The following LAMA2 variants were observed in gnomAD, a reference collection of about 807,000 sequenced individuals.
LAMA2 encodes laminin subunit alpha-2.
In LAMA2, 269 loss-of-function variants were observed where a neutral mutation model predicts 364.8. That is an observed-to-expected ratio of 0.74 (90% CI 0.67 to 0.82). LAMA2 has a LOEUF of 0.82. LAMA2 is among the 40% of genes least tolerant of loss of function. LAMA2 has a pLI of 0.00. For synonymous variants in LAMA2, 1,379 were observed against 1,370.6 expected (o/e 1.01, Z -0.14); for missense variants, 3,807 against 3,873.2 (o/e 0.98, Z 0.45).
intron 27 of LAMA2, among the ~76,000 whole-genome samples, chr6:129,318,056 T>G (rs940712874): frequency 6.6e-6 from 1 of 152,196 alleles, no homozygotes; most frequent in Non-Finnish European, 1.5e-5. Flanking sequence ...CTCACAATGC[T>G]AAGAACAAAT....
chr6:129,197,504 C>A (rs1781920847), intron 12 of LAMA2, among the ~76,000 whole-genome samples: 1 of 152,234 alleles, frequency 6.6e-6, no homozygotes, highest in South Asian at 2.1e-4. Context: ...AGATGTCCTA[C>A]TTTTCTGGGC....
At chr6:129,270,797 G>A in intron 17 of LAMA2, 46 bp downstream of exon 17, 2 of 1,592,524 alleles carry the variant, frequency 1.3e-6, no homozygotes, top group Non-Finnish European at 1.7e-6. Context: ...ATCCATTTCT[G>A]CAAGTACACT....
At chr6:129,506,599 C>G (rs932122505) in intron 61 of LAMA2, among the ~76,000 whole-genome samples, 1 of 151,848 alleles carries the variant, frequency 6.6e-6, no homozygotes, top group Admixed American at 6.6e-5. Context: ...ACCGTGTATC[C>G]TAGTTTGCTT....
At position 129,478,706 on chromosome 6, in the gene LAMA2, C is replaced by G. The variant is rs1480548992; in HGVS notation, c.7465C>G (p.Leu2489Val). ...ACTATTCAATAGGCCAGAAGTAAAT[C>G]TGAAGAAATATTCCGGCTGCCTCAA... is the stretch of plus-strand genomic sequence containing the variant. ...LSMKARPEVN[L>V]KKYSGCLKDI... The change falls in exon 54 of 65, where the codon CTG (leucine) becomes GTG (valine). Residue 2489 changes from leucine (L) to valine (V), a missense_variant. By Grantham distance (32) the Leu-to-Val change is conservative. This residue lies in a region of LAMA2 where 3,333 missense variants were observed against 3,345.7 expected (regional missense o/e 1.00). Coordinates refer to ENST00000421865, the MANE Select transcript of LAMA2 (RefSeq NM_000426.4). The G allele has an allele frequency of 2.5e-6, 4 of 1,613,490 alleles. No homozygotes were observed. The South Asian group carries it at 4.4e-5, about 18-fold the overall frequency.
chr6:129,289,678 A>C (rs946378921), intron 19 of LAMA2, among the ~76,000 whole-genome samples: 5 of 152,066 alleles, frequency 3.3e-5, no homozygotes, highest in African/African-American at 4.8e-5. Context: ...ATGGTAATTA[A>C]TTATTGTAGA....
In LAMA2 at chr6:129,334,124, A is replaced by G. The variant is rs185544892; in HGVS notation, c.4311+5712A>G. Reference sequence around the variant, plus strand: ...AAGAAATAGCTGTTATTACTCCCACACAGTAAGTGAGGAAACTGAAGCATA... The same window carrying G: ...AAGAAATAGCTGTTATTACTCCCACGCAGTAAGTGAGGAAACTGAAGCATA... On this transcript the variant is annotated intron_variant, in intron 29 of 64. Transcript: ENST00000421865. Among the ~76,000 whole-genome samples, 224 of 152,314 alleles carry G rather than the reference A, an allele frequency of 1.5e-3. 1 individual carries two copies. Among genetic ancestry groups the G allele is most frequent in the African/African-American group, 5.1e-3 (213 of 41,556 alleles).
chr6:129,361,013 G>C (rs898276978), intron 32 of LAMA2, among the ~76,000 whole-genome samples: 2 of 152,104 alleles, frequency 1.3e-5, no homozygotes, highest in South Asian at 2.1e-4. Flanking sequence ...TTGGAAATAG[G>C]TAGGTTATAT....
intron 40 of LAMA2, among the ~76,000 whole-genome samples, chr6:129,425,715 A>G (rs914769654): frequency 1.3e-5 from 2 of 152,060 alleles, no homozygotes; most frequent in African/African-American, 4.8e-5. Flanking sequence ...TTAGTTTGCT[A>G]AGAATAATGG....
intron 16 of LAMA2, among the ~76,000 whole-genome samples, chr6:129,268,905 G>A (rs1787720668): frequency 6.6e-6 from 1 of 151,978 alleles, no homozygotes; most frequent in South Asian, 2.1e-4. Flanking sequence ...ATTCCATTTT[G>A]AGTATATGGG....
At chr6:128,935,940 A>T (rs1013623385) in intron 1 of LAMA2, among the ~76,000 whole-genome samples, 1 of 152,166 alleles carries the variant, frequency 6.6e-6, no homozygotes, top group Non-Finnish European at 1.5e-5. Flanking sequence ...TGTCAAAGGA[A>T]ACCAGATGAA....
chr6:129,100,580 G>A (rs1775464517), intron 4 of LAMA2, among the ~76,000 whole-genome samples: 1 of 152,070 alleles, frequency 6.6e-6, no homozygotes, highest in South Asian at 2.1e-4. Flanking sequence ...TAATAATTGA[G>A]GTCTCTGATT....
intron 9 of LAMA2, among the ~76,000 whole-genome samples, chr6:129,171,253 C>T (rs1407743350): frequency 1.3e-5 from 2 of 152,140 alleles, no homozygotes; most frequent in African/African-American, 2.4e-5. Context: ...TTAGTTGATG[C>T]AGTTTCTTCC....
At chr6:129,047,342 C>T (rs1449214398) in intron 1 of LAMA2, among the ~76,000 whole-genome samples, 1 of 152,148 alleles carries the variant, frequency 6.6e-6, no homozygotes, top group African/African-American at 2.4e-5. Flanking sequence ...GACAGAATGT[C>T]TCATTGTGTT....
intron 41 of LAMA2, chr6:129,436,727 A>G (rs910047205): frequency 5.3e-5 from 8 of 152,112 alleles, no homozygotes; most frequent in African/African-American, 1.2e-4. Context: ...ATTTTCCCCA[A>G]TCTCAAAAAT....
intron 9 of LAMA2, among the ~76,000 whole-genome samples, chr6:129,174,066 G>A (rs1056355726): frequency 3.3e-5 from 5 of 151,954 alleles, no homozygotes; most frequent in Non-Finnish European, 5.9e-5. Context: ...AGCTGTCAAA[G>A]TTCAGGTAAA....
chr6:129,017,443 T>A (rs986110237), intron 1 of LAMA2, among the ~76,000 whole-genome samples: 8 of 151,526 alleles, frequency 5.3e-5, no homozygotes, highest in African/African-American at 1.9e-4. Context: ...GATTATTTAC[T>A]TACTATTGAA....
At chr6:128,949,746 G>A (rs577783575) in intron 1 of LAMA2, among the ~76,000 whole-genome samples, 2 of 152,166 alleles carry the variant, frequency 1.3e-5, no homozygotes, top group Non-Finnish European at 2.9e-5. Flanking sequence ...CAAGTCTTTT[G>A]TAACTTATTT....
chr6:129,322,291 TG>T (rs1662288418), intron 28 of LAMA2, among the ~76,000 whole-genome samples: 1 of 152,230 alleles, frequency 6.6e-6, no homozygotes, highest in Non-Finnish European at 1.5e-5. Flanking sequence ...TGGTAAGCAC[TG>T]CTTATACAGT....
At chr6:129,096,637 T>G (rs895804680) in intron 3 of LAMA2, among the ~76,000 whole-genome samples, 4 of 152,212 alleles carry the variant, frequency 2.6e-5, no homozygotes, top group African/African-American at 9.6e-5. Context: ...TTGGCTGTCC[T>G]TGCTATGCTG....
Sources: gnomAD v4.1 joint callset for allele counts (sites outside exome capture counted in the v4.1 genomes callset) on GRCh38, gnomAD v4.1.1 for gene constraint, gnomAD v4.1.1 regional missense constraint, MANE v1.5 for transcripts, NCBI Gene and HGNC (gene_info 2026-07-23, HGNC 2026-07-21) for gene names.